Variants in ANKDD1B observed in about 807,000 individuals in gnomAD.
ANKDD1B encodes the protein ankyrin repeat and death domain-containing protein 1B.
A neutral mutation model predicts 59.7 loss-of-function variants in ANKDD1B; 57 were observed. That is an observed-to-expected ratio of 0.95 (90% CI 0.77 to 1.19). The LOEUF (loss-of-function observed/expected upper bound fraction) is 1.19. ANKDD1B is among the 50% of genes most tolerant of loss of function. ANKDD1B has a pLI of 0.00. For missense variants in ANKDD1B, 602 were observed against 641.9 expected, an observed-to-expected ratio of 0.94 and a Z score of 0.67; for synonymous variants, 216 against 239.5, an observed-to-expected ratio of 0.90 and a Z score of 0.91.
In ANKDD1B at chr5:75,668,176, T is replaced by C. The variant is rs531032796; in HGVS notation, c.1394-1076T>C. ...GCAGGATAAGGGGGATTTTAAAGTG[T>C]TTCGATGGAACCTTTATGGAGGGCC... On this transcript the variant is annotated intron_variant, in intron 12 of 13. Transcript: ENST00000601380. Among the ~76,000 whole-genome samples the C allele has an allele frequency of 1.1e-4, 17 of 152,246 alleles. No individual in the cohort carries two copies. The South Asian group carries it at 1.5e-3, about 13-fold the overall frequency.
chr5:75,620,162 A>G (rs372146897), intron 2 of ANKDD1B, among the ~76,000 whole-genome samples, 153 bp from the exon 3 acceptor site: 1 of 152,236 alleles, frequency 6.6e-6, no homozygotes, highest in Non-Finnish European at 1.5e-5. Context: ...GCTGGACACA[A>G]TTCTCATAAC....
At chr5:75,634,466 A>G (rs1581138626) in intron 5 of ANKDD1B, among the ~76,000 whole-genome samples, 2 of 152,240 alleles carry the variant, frequency 1.3e-5, no homozygotes, top group East Asian at 3.8e-4. Context: ...CACATAAATA[A>G]TAAGCCCCAG....
rs1434691532 is a variant in ANKDD1B at position 75,663,485 on chromosome 5, G to T, written c.1187G>T (p.Arg396Ile). ...AAAGCAGAGAGATACTACGCCTGGAGAGAGGTAAGGAAGGACGATCCCAGC... is the reference window on the plus strand; with the variant it reads ...AAAGCAGAGAGATACTACGCCTGGATAGAGGTAAGGAAGGACGATCCCAGC... ...LIKAERYYAWREEHHESIRDP... is the reference protein window; with the variant it reads ...LIKAERYYAWIEEHHESIRDP... Residue 396 changes from arginine to isoleucine, a missense_variant, in exon 11 of 14, where the codon AGA becomes ATA. By Grantham distance (97) the Arg-to-Ile change is moderately conservative. Coordinates refer to ENST00000601380, the MANE Select transcript of ANKDD1B (RefSeq NM_001276713.2). 6.5e-7 allele frequency: 1 copy of T among 1,536,144 alleles called. No homozygotes were observed. Among genetic ancestry groups the T allele is most frequent in the Non-Finnish European group, 8.7e-7 (1 of 1,146,794 alleles).
intron 10 of ANKDD1B, among the ~76,000 whole-genome samples, chr5:75,659,698 G>C (rs935155647): frequency 6.6e-5 from 10 of 151,976 alleles, no homozygotes; most frequent in Admixed American, 6.6e-4. Flanking sequence ...GTTCCTACTT[G>C]TCTGGTTACC....
At chr5:75,614,769 T>G (rs1009927192) in intron 1 of ANKDD1B, among the ~76,000 whole-genome samples, 1 of 152,178 alleles carries the variant, frequency 6.6e-6, no homozygotes, top group Non-Finnish European at 1.5e-5. Context: ...AAGCAGATAT[T>G]GATGAACACT....
At chr5:75,623,770 C>G (rs1044555960) in intron 3 of ANKDD1B, among the ~76,000 whole-genome samples, 3 of 152,138 alleles carry the variant, frequency 2.0e-5, no homozygotes, top group African/African-American at 7.2e-5. Flanking sequence ...AACCTCCCCC[C>G]ACCCACGGCA....
intron 6 of ANKDD1B, chr5:75,635,373 T>C (rs559867218): frequency 3.6e-5 from 7 of 191,900 alleles, no homozygotes; most frequent in Non-Finnish European, 1.1e-5. Flanking sequence ...ATGACTTTCT[T>C]AGGAGAAATT....
At chr5:75,640,832 TG>T (rs1774444217) in intron 7 of ANKDD1B, among the ~76,000 whole-genome samples, 1 of 152,244 alleles carries the variant, frequency 6.6e-6, no homozygotes, top group Admixed American at 6.5e-5. Flanking sequence ...GCTTTGTTTT[TG>T]GTAAGAATTA....
intron 7 of ANKDD1B, among the ~76,000 whole-genome samples, chr5:75,650,657 C>T (rs1256040055): frequency 6.6e-6 from 1 of 152,188 alleles, no homozygotes; most frequent in Non-Finnish European, 1.5e-5. Flanking sequence ...TATCCAAGGT[C>T]ATATAGGCAT....
chr5:75,650,085 G>A (rs1486445053), intron 7 of ANKDD1B, among the ~76,000 whole-genome samples: 5 of 152,204 alleles, frequency 3.3e-5, no homozygotes. Context: ...AGAAAGAAGG[G>A]GGTGATGTGG....
In ANKDD1B at chr5:75,632,906, A is replaced by T. The variant is rs150899453; in HGVS notation, c.601-1992A>T. Among the ~76,000 whole-genome samples the T allele has an allele frequency of 8.9e-3, 1,350 of 152,326 alleles. 21 individuals are homozygous for T. Among genetic ancestry groups the T allele is most frequent in the African/African-American group, 0.031 (1,283 of 41,572 alleles). Reference sequence around the variant, plus strand: ...GCTTAGCACATTATCTGGCATATTCATAGGCGCTCAACAATTGTTGAACAA... The same window carrying T: ...GCTTAGCACATTATCTGGCATATTCTTAGGCGCTCAACAATTGTTGAACAA... On this transcript the variant is annotated intron_variant, in intron 5 of 13. Transcript: ENST00000601380.
rs1229894422 is a variant in ANKDD1B, at chr5:75,635,786, G to A, written c.702G>A (p.Gly234=). The A allele has an allele frequency of 2.6e-6, 4 of 1,527,644 alleles. No individual in the cohort carries two copies. Among genetic ancestry groups the A allele is most frequent in the African/African-American group, 2.7e-5 (2 of 72,868 alleles). The allele number at this position is 1,527,644 out of a possible 1,614,324, so 94.6% of individuals were successfully genotyped here. A position where few individuals can be genotyped will look rare whatever the true frequency, so the allele number is the denominator to read the frequency against. The change falls in exon 7 of 14, where the codon GGG becomes GGA. Residue 234 remains glycine, a splice_region_variant and synonymous_variant. Transcript: ENST00000601380. ...CGTCGAGTGTGTCTCTGTTGCAGGG[G>A]GGAAACACTGCCTTGCACCTCGCTG... ...LNLHTSEKDK[G]GNTALHLAAK...
chr5:75,630,624 G>A (rs1436409189), intron 5 of ANKDD1B, among the ~76,000 whole-genome samples: 13 of 152,200 alleles, frequency 8.5e-5, no homozygotes, highest in Non-Finnish European at 1.3e-4. Context: ...TTTTAAAGTT[G>A]AACAGATTAG....
At chr5:75,653,030 G>T (rs1774869874) in intron 7 of ANKDD1B, 112 bp from the exon 8 acceptor site, 6 of 743,142 alleles carry the variant, frequency 8.1e-6, no homozygotes, top group Non-Finnish European at 1.4e-5. Context: ...AGTGATGCAC[G>T]ACTGTAGTTG....
At chr5:75,617,605 G>T (rs1773746729) in intron 2 of ANKDD1B, among the ~76,000 whole-genome samples, 1 of 152,182 alleles carries the variant, frequency 6.6e-6, no homozygotes, top group Non-Finnish European at 1.5e-5. Context: ...GGTTCAAGGT[G>T]GGTGTGGCAG....
intron 7 of ANKDD1B, among the ~76,000 whole-genome samples, chr5:75,648,376 C>G (rs79229801): frequency 6.6e-6 from 1 of 151,754 alleles, no homozygotes; most frequent in Non-Finnish European, 1.5e-5. Context: ...TGTCCCCAGT[C>G]GGTATCCCCC....
intron 7 of ANKDD1B, among the ~76,000 whole-genome samples, chr5:75,637,074 C>T (rs190622897): frequency 1.2e-4 from 18 of 151,302 alleles, no homozygotes; most frequent in Non-Finnish European, 2.1e-4. Flanking sequence ...TGTGAAACTC[C>T]GTCTCTACTA....
chr5:75,611,599 G>A lies in ANKDD1B; in HGVS notation c.-36G>A, dbSNP rs1276574073. The A allele has an allele frequency of 4.1e-6, 5 of 1,228,596 alleles. No homozygotes were observed. Among genetic ancestry groups the A allele is most frequent in the Non-Finnish European group, 4.1e-6 (4 of 985,692 alleles). The allele number at this position is 1,228,596 out of a possible 1,614,324, so 76.1% of individuals were successfully genotyped here. On this transcript the variant is annotated 5_prime_UTR_variant, in exon 1 of 14. Coordinates refer to ENST00000601380, the MANE Select transcript of ANKDD1B (RefSeq NM_001276713.2). ...GGGTCTGGATCTGGGTCCGAGTCTG[G>A]GTCTGGCCCTGCGCTCAGGGCCCGC...
At position 75,670,986 on chromosome 5, in the gene ANKDD1B, T is replaced by G. The variant is rs1775462915; in HGVS notation, c.1533T>G (p.Thr511=). Residue 511 remains threonine (T), a synonymous_variant, in exon 14 of 14, where the codon ACT becomes ACG. Transcript: ENST00000601380. The stretch of plus-strand genomic sequence containing the variant: ...TTATCTTATTTTTTCCAGAAAAGAC[T>G]CGTCATTTCAAAAGCAAAACTGACT... The part of the protein sequence containing the change: ...HAGFPKLAEK[T]RHFKSKTDSN... The G allele has an allele frequency of 8.2e-7, 1 of 1,225,362 alleles. No homozygotes were observed. The highest frequency in any genetic ancestry group is 4.1e-5 in the South Asian group (1 of 24,184). The allele number at this position is 1,225,362 out of a possible 1,614,324, so 75.9% of individuals were successfully genotyped here.
Sources: gnomAD v4.1 joint callset for allele counts (sites outside exome capture counted in the v4.1 genomes callset) on GRCh38, gnomAD v4.1.1 for gene constraint, MANE v1.5 for transcripts, NCBI Gene and HGNC (gene_info 2026-07-23, HGNC 2026-07-21) for gene names.